The following ERF variants were observed in gnomAD, a reference collection of about 807,000 sequenced individuals.
ERF encodes ETS domain-containing transcription factor ERF.
Under a neutral mutation model 41.6 loss-of-function variants are expected in ERF, and 10 were observed. The observed-to-expected ratio is 0.24, with a 90% confidence interval of 0.15 to 0.41. The LOEUF (loss-of-function observed/expected upper bound fraction) is 0.41, where lower values mean the gene tolerates loss of function less well. Among genes scored for constraint, ERF ranks in the 10% least tolerant of loss-of-function variants. ERF has a pLI of 1.00. For synonymous variants in ERF, 395 were observed against 342.4 expected (o/e 1.15, Z -1.70); for missense variants, 621 against 763.2 (o/e 0.81, Z 2.19).
At chr19:42,254,297 G>A (rs528514278) in intron 1 of ERF, among the ~76,000 whole-genome samples, 1 of 152,118 alleles carries the variant, frequency 6.6e-6, no homozygotes, top group African/African-American at 2.4e-5. Context: ...CCGGTGGCGC[G>A]GGAGGAGGGT....
In ERF at chr19:42,250,311, G is replaced by T. The variant is rs1013974115; in HGVS notation, c.257+20C>A. ...GGGGGGCACTCCACATGTGCTCAGG[G>T]GTCCCCAGCCCGTCCTCACCGCAGG... On this transcript the variant is annotated intron_variant, in intron 2 of 3. Coordinates refer to ENST00000222329, the MANE Select transcript of ERF (RefSeq NM_006494.4). The surrounding 1 kb of genome is among the most constrained non-coding windows in gnomAD (Gnocchi z 5.1). The T allele has an allele frequency of 8.7e-6, 14 of 1,610,934 alleles. No homozygotes were observed. The highest frequency in any genetic ancestry group is 6.6e-5 in the South Asian group (6 of 90,750).
chr19:42,254,954 C>T, intron 1 of ERF, 24 bp downstream of exon 1: 4 of 1,511,288 alleles, frequency 2.6e-6, no homozygotes, highest in Non-Finnish European at 3.5e-6. Flanking sequence ...AAGTCTCCCC[C>T]ACACGTGCTG....
chr19:42,253,933 CT>C, intron 1 of ERF: 1 of 1,037,634 alleles, frequency 9.6e-7, no homozygotes, highest in Non-Finnish European at 1.2e-6. Flanking sequence ...CCCCTTCCCC[CT>C]CCCCCGTCCC....
In ERF at chr19:42,254,956, C is replaced by G; in HGVS notation, c.22+22G>C. On this transcript the variant is annotated intron_variant, in intron 1 of 3. Transcript: ENST00000222329. Reference sequence around the variant, plus strand: ...TTCCCGGGGCAACAAGTCTCCCCCACACGTGCTGCCCCCGCCCCCACCTGT... The same window carrying G: ...TTCCCGGGGCAACAAGTCTCCCCCAGACGTGCTGCCCCCGCCCCCACCTGT... The G allele has an allele frequency of 2.7e-6, 4 of 1,509,018 alleles. No homozygotes were observed. In the Admixed American group the frequency reaches 8.1e-5, roughly 30 times the overall value. 93.5% of individuals were successfully genotyped at this position (1,509,018 alleles called of 1,614,324 possible).
chr19:42,252,813 G>A (rs1456777363), intron 1 of ERF, among the ~76,000 whole-genome samples: 1 of 152,202 alleles, frequency 6.6e-6, no homozygotes, highest in East Asian at 1.9e-4. Flanking sequence ...AGCCAGGCAC[G>A]GGCAAGGGGA....
At position 42,249,064 on chromosome 19, in the gene ERF, G is replaced by A. The variant is rs370719643; in HGVS notation, c.1048C>T (p.Leu350=). Residue 350 remains leucine (L), a synonymous_variant, in exon 4 of 4, where the codon CTG becomes TTG. Coordinates refer to ENST00000222329, the MANE Select transcript of ERF (RefSeq NM_006494.4). The surrounding 1 kb of genome is among the most constrained non-coding windows in gnomAD (Gnocchi z 8.6). The part of the protein sequence containing the change: ...PQPQRPDKCP[L]PPMAPETPPV... ...GGGGTCTCGGGTGCCATGGGCGGCAGCGGGCACTTGTCAGGGCGCTGGGGC... is the reference window on the plus strand; with the variant it reads ...GGGGTCTCGGGTGCCATGGGCGGCAACGGGCACTTGTCAGGGCGCTGGGGC... 6.2e-7 allele frequency: 1 copy of A among 1,613,054 alleles called. No homozygotes were observed. Among genetic ancestry groups the A allele is most frequent in the Admixed American group, 1.7e-5 (1 of 59,970 alleles).
intron 1 of ERF, chr19:42,253,873 C>T: frequency 9.3e-7 from 1 of 1,077,542 alleles, no homozygotes; most frequent in Non-Finnish European, 1.1e-6. Context: ...GCCGCCGCCG[C>T]CGCCGCCGCC....
chr19:42,250,000 C>T lies in ERF; in HGVS notation c.258-58G>A, dbSNP rs556720236. 1 of 1,488,290 alleles carries T rather than the reference C, an allele frequency of 6.7e-7. No homozygotes were observed. The highest frequency in any genetic ancestry group is 1.4e-5 in the African/African-American group (1 of 72,330). The allele number at this position is 1,488,290 out of a possible 1,614,324, so 92.2% of individuals were successfully genotyped here. ...GGTACGTGGGACCCAGGTCTAGACT[C>T]CACACCTTAACACGCACTTAGGTGT... On this transcript the variant is annotated intron_variant, in intron 2 of 3. Transcript: ENST00000222329. This position sits in a 1 kb window ranked among gnomAD's most constrained non-coding sequence, Gnocchi z 8.6.
chr19:42,251,196 C>A, intron 1 of ERF: 2 of 981,508 alleles, frequency 2.0e-6, no homozygotes, highest in Non-Finnish European at 2.4e-6. Context: ...GTCTGAGAGG[C>A]CCCCCAAGCC....
chr19:42,253,733 C>A (rs1365526998), intron 1 of ERF: 5 of 413,750 alleles, frequency 1.2e-5, no homozygotes, highest in Non-Finnish European at 1.6e-5. Flanking sequence ...AGCTCGGAGC[C>A]CTTTAAGATT....
At position 42,250,516 on chromosome 19, in the gene ERF, T is replaced by A; in HGVS notation, c.72A>T (p.Ser24=). The A allele has an allele frequency of 6.2e-7, 1 of 1,613,606 alleles. No homozygotes were observed. Among genetic ancestry groups the A allele is most frequent in the Non-Finnish European group, 8.5e-7 (1 of 1,180,000 alleles). The change falls in exon 2 of 4, where the codon TCA becomes TCT. Residue 24 remains serine, a synonymous_variant. Transcript: ENST00000222329. This position sits in a 1 kb window ranked among gnomAD's most constrained non-coding sequence, Gnocchi z 5.1. The stretch of plus-strand genomic sequence containing the variant: ...TAAAGTGCCACAGCTGGATCTGCCT[T>A]GAGCCAGGGGACGACTCTGGCTTGT... ...WAYKPESSPG[S]RQIQLWHFIL... is the part of the protein sequence containing the mutation.
At chr19:42,253,479 C>T (rs962467339) in intron 1 of ERF, among the ~76,000 whole-genome samples, 1 of 152,094 alleles carries the variant, frequency 6.6e-6, no homozygotes, top group African/African-American at 2.4e-5. Flanking sequence ...AAGCGACCCG[C>T]GGATCCTATC....
At chr19:42,253,992 G>T in intron 1 of ERF, 1 of 974,568 alleles carries the variant, frequency 1.0e-6, no homozygotes, top group Non-Finnish European at 1.2e-6. Flanking sequence ...GGGCGGCTGG[G>T]ACCCCTCCCC....
chr19:42,253,778 A>ATGGGAATGGGGTGGGAATGGGG lies in ERF; in HGVS notation c.22+1178_22+1199dup, dbSNP rs563716200. The stretch of plus-strand genomic sequence containing the variant: ...CCACCCGCCGAGCAGGGGGATGGGG[A>ATGGGAATGGGGTGGGAATGGGG]TGGGAATGGGGTGGGAATGGGGTGG... On this transcript the variant is annotated intron_variant, in intron 1 of 3. Coordinates refer to ENST00000222329, the MANE Select transcript of ERF (RefSeq NM_006494.4). The ATGGGAATGGGGTGGGAATGGGG allele has an allele frequency of 1.0e-5, 7 of 695,938 alleles. 1 individual carries two copies. The highest frequency in any genetic ancestry group is 6.4e-5 in the African/African-American group (3 of 46,578). The allele number at this position is 695,938 out of a possible 1,614,324, so 43.1% of individuals were successfully genotyped here.
intron 1 of ERF, chr19:42,251,151 GGCTTCTGTCTT>G: frequency 2.2e-6 from 2 of 915,654 alleles, no homozygotes; most frequent in Non-Finnish European, 2.6e-6. Context: ...CACACACAGA[GGCTTCTGTCTT>G]CCCTGGAGAG....
At position 42,249,763 on chromosome 19, in the gene ERF, G is replaced by A; in HGVS notation, c.374-25C>T. Reference sequence around the variant, plus strand: ...CCTGGCAGAAGGGAGACAGTGTCAAGGCCCCTGGCCTAGCCTGAAGGGGCA... The same window carrying A: ...CCTGGCAGAAGGGAGACAGTGTCAAAGCCCCTGGCCTAGCCTGAAGGGGCA... On this transcript the variant is annotated intron_variant, in intron 3 of 3. Coordinates refer to ENST00000222329, the MANE Select transcript of ERF (RefSeq NM_006494.4). The surrounding 1 kb of genome is among the most constrained non-coding windows in gnomAD (Gnocchi z 8.6). 1.2e-6 allele frequency: 2 copies of A among 1,612,402 alleles called. No homozygotes were observed. The highest frequency in any genetic ancestry group is 1.7e-6 in the Non-Finnish European group (2 of 1,178,728).
intron 1 of ERF, chr19:42,253,694 C>T: frequency 8.5e-6 from 2 of 234,110 alleles, no homozygotes; most frequent in Non-Finnish European, 1.4e-5. Flanking sequence ...CTCCTCGGTC[C>T]GGGTCCCAAT....
intron 1 of ERF, chr19:42,254,455 G>A (rs2036500960): frequency 6.5e-6 from 1 of 152,994 alleles, no homozygotes; most frequent in African/African-American, 2.4e-5. Flanking sequence ...GGGCGGGGGA[G>A]GGGCGGCGCA....
intron 1 of ERF, among the ~76,000 whole-genome samples, chr19:42,253,257 A>T (rs918546980): frequency 6.6e-6 from 1 of 151,978 alleles, no homozygotes; most frequent in East Asian, 1.9e-4. Context: ...GCGGCCCTCT[A>T]TGGCGCCAGA....
Sources: allele counts gnomAD v4.1 joint callset (sites outside exome capture counted in the v4.1 genomes callset), GRCh38; gene constraint gnomAD v4.1.1; non-coding constraint Gnocchi (gnomAD v3.1); transcripts MANE v1.5; gene names NCBI Gene and HGNC (gene_info 2026-07-23, HGNC 2026-07-21).